Variants in LATS1 observed in about 807,000 individuals in gnomAD.
The protein encoded by LATS1 is serine/threonine-protein kinase LATS1.
LATS1 carries 25 observed loss-of-function variants against 106.6 expected under a neutral mutation model. The ratio of observed to expected loss-of-function variants is 0.23; its 90% CI spans 0.17 to 0.33. The LOEUF (loss-of-function observed/expected upper bound fraction) is 0.33, where lower values mean the gene tolerates loss of function less well. Ranked by LOEUF, LATS1 falls within the 10% of genes least tolerant of loss-of-function variation. The pLI is 1.00. For missense variants in LATS1, 1,040 were observed against 1,382.6 expected, an observed-to-expected ratio of 0.75 and a Z score of 3.93; for synonymous variants, 465 against 455.6, an observed-to-expected ratio of 1.02 and a Z score of -0.26.
chr6:149,682,561 G>A (rs1357195197), intron 4 of LATS1, among the ~76,000 whole-genome samples: 1 of 151,818 alleles, frequency 6.6e-6, no homozygotes, highest in Admixed American at 6.6e-5. Flanking sequence ...ACAGGCGCCC[G>A]CCACCATGCC....
chr6:149,696,476 G>A (rs948299867), intron 2 of LATS1, among the ~76,000 whole-genome samples: 2 of 142,640 alleles, frequency 1.4e-5, no homozygotes, highest in Non-Finnish European at 3.0e-5. Context: ...GCTGAGGCAG[G>A]AGAACCCAGG....
intron 3 of LATS1, among the ~76,000 whole-genome samples, chr6:149,691,017 T>A (rs1782717243): frequency 6.6e-6 from 1 of 152,108 alleles, no homozygotes; most frequent in Non-Finnish European, 1.5e-5. Flanking sequence ...TTTTTACTAC[T>A]ACATATCCTA....
chr6:149,662,259 TA>T (rs1562314988), intron 7 of LATS1, 21 bp from the exon 8 acceptor site: 1 of 1,532,796 alleles, frequency 6.5e-7, no homozygotes, highest in Admixed American at 2.1e-5. Context: ...TTTTTAAAAT[TA>T]GGGGGAAGAG....
intron 5 of LATS1, among the ~76,000 whole-genome samples, chr6:149,678,196 T>C (rs1339729981): frequency 1.1e-4 from 4 of 36,214 alleles, no homozygotes; most frequent in Non-Finnish European, 2.2e-4. Flanking sequence ...AAAAAAAAAA[T>C]AGCCGGGCGT....
intron 5 of LATS1, among the ~76,000 whole-genome samples, chr6:149,677,726 T>C (rs972486872): frequency 1.3e-5 from 2 of 152,164 alleles, no homozygotes; most frequent in African/African-American, 4.8e-5. Flanking sequence ...TATAAGAAAT[T>C]AACCTAACTG....
rs573335837 is a variant in LATS1 at position 149,660,632 on chromosome 6, G to A, written c.*1097C>T. The stretch of plus-strand genomic sequence containing the variant: ...AAGCGTTATACATAACAGGCATGTT[G>A]AACGCATTATTGAACCTTAAATAAA... On this transcript the variant is annotated 3_prime_UTR_variant, in exon 8 of 8. Coordinates refer to ENST00000543571, the MANE Select transcript of LATS1 (RefSeq NM_004690.4). The A allele has an allele frequency of 3.7e-4, 86 of 231,836 alleles. No individual in the cohort carries two copies. Among genetic ancestry groups the A allele is most frequent in the Admixed American group, 1.6e-3 (28 of 17,750 alleles). The allele number at this position is 231,836 out of a possible 1,614,324, so 14.4% of individuals were successfully genotyped here. A position where few individuals can be genotyped will look rare whatever the true frequency, so the allele number is the denominator to read the frequency against.
At chr6:149,662,309 C>T (rs750821833) in intron 7 of LATS1, 71 bp from the exon 8 acceptor site, 1 of 1,265,374 alleles carries the variant, frequency 7.9e-7, no homozygotes, top group Non-Finnish European at 1.1e-6. Flanking sequence ...AAGTTTTATA[C>T]CAAAAGTCTC....
At chr6:149,674,255 A>C (rs1781593952) in intron 7 of LATS1, among the ~76,000 whole-genome samples, 1 of 151,238 alleles carries the variant, frequency 6.6e-6, no homozygotes, top group Admixed American at 6.6e-5. Context: ...TTGTATTGTT[A>C]GTAGAGACAG....
At chr6:149,699,665 C>A (rs1442739752) in intron 2 of LATS1, among the ~76,000 whole-genome samples, 2 of 152,010 alleles carry the variant, frequency 1.3e-5, no homozygotes, top group African/African-American at 4.8e-5. Flanking sequence ...TAATACAAAC[C>A]AATTATTGTT....
intron 4 of LATS1, chr6:149,682,862 GATTTT>G (rs1267800305): frequency 3.7e-6 from 2 of 545,654 alleles, no homozygotes; most frequent in East Asian, 3.1e-5. Flanking sequence ...ATTTACACGA[GATTTT>G]ATTATAGGAA....
intron 1 of LATS1, among the ~76,000 whole-genome samples, chr6:149,716,713 C>A (rs1238153002): frequency 6.6e-6 from 1 of 152,216 alleles, no homozygotes; most frequent in Admixed American, 6.5e-5. Flanking sequence ...CCATTCCAAG[C>A]ATGGACCATG....
intron 1 of LATS1, chr6:149,717,580 G>C (rs1393934703): frequency 6.5e-6 from 1 of 153,414 alleles, no homozygotes; most frequent in African/African-American, 2.4e-5. Flanking sequence ...CAGAAAGACA[G>C]GCTCTACCCA....
chr6:149,693,437 C>T (rs1018746447), intron 3 of LATS1, among the ~76,000 whole-genome samples: 2 of 151,626 alleles, frequency 1.3e-5, no homozygotes, highest in African/African-American at 4.8e-5. Flanking sequence ...TGGTGAAACC[C>T]CATCTCTACT....
chr6:149,710,650 C>T (rs905415677), intron 1 of LATS1, among the ~76,000 whole-genome samples: 2 of 152,072 alleles, frequency 1.3e-5, no homozygotes, highest in African/African-American at 2.4e-5. Flanking sequence ...AAACAGATAC[C>T]GGAGGCTGGA....
chr6:149,701,908 C>T lies in LATS1; in HGVS notation c.219G>A (p.Thr73=), dbSNP rs779514649. The change falls in exon 2 of 8, where the codon ACG becomes ACA. Residue 73 remains threonine (T), a synonymous_variant. Transcript: ENST00000543571. ...GAATTTCCTGCAAGGCTTTATGATGCGTCCCAAATTTGGGTGGATTTCTGA... is the reference window on the plus strand; with the variant it reads ...GAATTTCCTGCAAGGCTTTATGATGTGTCCCAAATTTGGGTGGATTTCTGA... ...RQVRNPPKFG[T]HHKALQEIRN... 6.8e-5 allele frequency: 110 copies of T among 1,614,000 alleles called. No individual in the cohort carries two copies. The highest frequency in any genetic ancestry group is 8.6e-5 in the Non-Finnish European group (102 of 1,179,980).
intron 5 of LATS1, among the ~76,000 whole-genome samples, 153 bp from the exon 6 acceptor site, chr6:149,676,890 T>C (rs1480653903): frequency 1.3e-5 from 2 of 152,224 alleles, no homozygotes; most frequent in Non-Finnish European, 2.9e-5. Context: ...ATGGTGTTTA[T>C]TACCAATTAG....
Position 149,659,725 on chromosome 6 carries a change from T to TG in LATS1, c.*2003dup, listed in dbSNP as rs1250028101. ...ATGTGACTACCCACCTAAAAATTCT[T>TG]GAACTACTTTGTTTTGCATAGGATT... On this transcript the variant is annotated 3_prime_UTR_variant, in exon 8 of 8. Coordinates refer to ENST00000543571, the MANE Select transcript of LATS1 (RefSeq NM_004690.4). 1.3e-5 allele frequency: 3 copies of TG among 227,300 alleles called. No individual in the cohort carries two copies. Among genetic ancestry groups the TG allele is most frequent in the Admixed American group, 5.7e-5 (1 of 17,578 alleles). The allele number at this position is 227,300 out of a possible 1,614,324, so 14.1% of individuals were successfully genotyped here.
intron 7 of LATS1, chr6:149,675,971 G>C (rs549103566): frequency 9.6e-6 from 3 of 311,302 alleles, no homozygotes; most frequent in African/African-American, 6.5e-5. Flanking sequence ...ATGCAATTCT[G>C]GTGAGTTCCT....
chr6:149,680,615 T>C (rs1361195835), intron 4 of LATS1, among the ~76,000 whole-genome samples, 158 bp from the exon 5 acceptor site: 2 of 152,066 alleles, frequency 1.3e-5, no homozygotes, highest in South Asian at 4.1e-4. Flanking sequence ...AGGAAATTAA[T>C]GATCAAAAGT....
Sources: allele counts gnomAD v4.1 joint callset (sites outside exome capture counted in the v4.1 genomes callset), GRCh38; gene constraint gnomAD v4.1.1; transcripts MANE v1.5; gene names NCBI Gene and HGNC (gene_info 2026-07-23, HGNC 2026-07-21).